PTPRQ: variants seen among roughly 807,000 people sequenced by gnomAD.
PTPRQ encodes protein tyrosine phosphatase receptor type Q.
Under a neutral mutation model 246.0 loss-of-function variants are expected in PTPRQ, and 199 were observed. The ratio of observed to expected loss-of-function variants is 0.81; its 90% CI spans 0.72 to 0.91. The LOEUF (loss-of-function observed/expected upper bound fraction) is 0.91, where lower values mean the gene tolerates loss of function less well. Among genes scored for constraint, PTPRQ ranks in the 40% least tolerant of loss-of-function variants. The pLI is 0.00. For synonymous variants in PTPRQ, 869 were observed against 853.2 expected, an observed-to-expected ratio of 1.02 and a Z score of -0.32; for missense variants, 2,624 against 2,528.4, an observed-to-expected ratio of 1.04 and a Z score of -0.81.
chr12:80,473,045 A>ACACGCG (rs1555185233), intron 8 of PTPRQ, among the ~76,000 whole-genome samples: 3 of 92,388 alleles, frequency 3.2e-5, no homozygotes, highest in African/African-American at 6.1e-5. Flanking sequence ...ACTCACACAC[A>ACACGCG]CGCACACACA....
intron 3 of PTPRQ, among the ~76,000 whole-genome samples, chr12:80,456,575 C>T (rs974538769): frequency 1.3e-5 from 2 of 152,126 alleles, no homozygotes; most frequent in African/African-American, 4.8e-5. Flanking sequence ...CAACCTAGTT[C>T]TGCTTAGATC....
At chr12:80,569,128 TC>T (rs377293376) in intron 25 of PTPRQ, among the ~76,000 whole-genome samples, 6 of 148,154 alleles carry the variant, frequency 4.0e-5, no homozygotes, top group African/African-American at 1.2e-4. Context: ...TGGATACAAT[TC>T]TTTTTTTTTT....
intron 17 of PTPRQ, among the ~76,000 whole-genome samples, chr12:80,526,380 A>G (rs1486936885): frequency 6.6e-6 from 1 of 152,176 alleles, no homozygotes; most frequent in East Asian, 1.9e-4. Flanking sequence ...TCCAAAGACT[A>G]TTAGTGTGGT....
At chr12:80,541,875 G>A (rs1896164916) in intron 21 of PTPRQ, 30 bp downstream of exon 21, 1 of 1,494,212 alleles carries the variant, frequency 6.7e-7, no homozygotes, top group South Asian at 1.4e-5. Context: ...TGTCTGTTAA[G>A]CAGATTGTTG....
chr12:80,543,996 G>A (rs928073834), intron 23 of PTPRQ, among the ~76,000 whole-genome samples: 1 of 151,982 alleles, frequency 6.6e-6, no homozygotes, highest in Non-Finnish European at 1.5e-5. Flanking sequence ...CAGAGTAATC[G>A]CATTCCTAGG....
In PTPRQ at chr12:80,532,301, C is replaced by G. The variant is rs148804965; in HGVS notation, c.2679-1714C>G. On this transcript the variant is annotated intron_variant, in intron 17 of 44. Coordinates refer to ENST00000644991, the MANE Select transcript of PTPRQ (RefSeq NM_001145026.2). Reference sequence around the variant, plus strand: ...TGCAGTTGCCGATATTGGCTCACTTCAGCCTCCGCCTCCTGAGCTCAAGCA... The same window carrying G: ...TGCAGTTGCCGATATTGGCTCACTTGAGCCTCCGCCTCCTGAGCTCAAGCA... Among the ~76,000 whole-genome samples the G allele has an allele frequency of 1.6e-4, 25 of 152,084 alleles. No homozygotes were observed. In the East Asian group the frequency reaches 4.8e-3, roughly 29 times the overall value.
intron 24 of PTPRQ, among the ~76,000 whole-genome samples, chr12:80,547,723 A>G (rs1896349455): frequency 6.6e-6 from 1 of 152,194 alleles, no homozygotes; most frequent in South Asian, 2.1e-4. Context: ...AAAGAAGCAC[A>G]TATTAGCAGT....
Position 80,505,899 on chromosome 12 carries a change from T to G in PTPRQ, c.2273-125T>G. 2.7e-6 allele frequency: 3 copies of G among 1,104,100 alleles called. No individual in the cohort carries two copies. The South Asian group carries it at 6.7e-5, about 25-fold the overall frequency. 68.4% of individuals were successfully genotyped at this position (1,104,100 alleles called of 1,614,324 possible). On this transcript the variant is annotated intron_variant, in intron 14 of 44. Transcript: ENST00000644991. ...TTATACTTTACTTCATTCAGGATAT[T>G]TATTACGATTACATTCTAGTGAAGG...
At chr12:80,665,814 T>G (rs966651658) in intron 39 of PTPRQ, among the ~76,000 whole-genome samples, 1 of 151,890 alleles carries the variant, frequency 6.6e-6, no homozygotes, top group Non-Finnish European at 1.5e-5. Context: ...AAAGAAGACA[T>G]ACAAATGGCC....
chr12:80,526,744 A>G (rs1418772388), intron 17 of PTPRQ, among the ~76,000 whole-genome samples: 2 of 152,144 alleles, frequency 1.3e-5, no homozygotes, highest in Non-Finnish European at 2.9e-5. Context: ...GCTAACGTTG[A>G]TACTATTTGG....
rs762133053 is a variant in PTPRQ at position 80,661,776 on chromosome 12, CA to C, written c.6192+3716del. Among the ~76,000 whole-genome samples, 228 of 151,670 alleles carry C rather than the reference CA, an allele frequency of 1.5e-3. 1 individual carries two copies. Among genetic ancestry groups the C allele is most frequent in the Non-Finnish European group, 2.8e-3 (191 of 67,788 alleles). On this transcript the variant is annotated intron_variant, in intron 39 of 44. Transcript: ENST00000644991. ...CCTGTATAATATGGATAAACTTTAA[CA>C]TAAAAAAATCTGCAATTTTTGGAAA...
intron 3 of PTPRQ, among the ~76,000 whole-genome samples, chr12:80,448,698 A>G (rs1266526361): frequency 6.7e-6 from 1 of 149,864 alleles, no homozygotes; most frequent in African/African-American, 2.5e-5. Flanking sequence ...TACAAAGGGC[A>G]TGAACTCATC....
At chr12:80,546,472 A>C (rs1896308278) in intron 23 of PTPRQ, 84 bp from the exon 24 acceptor site, 6 of 1,291,362 alleles carry the variant, frequency 4.6e-6, no homozygotes, top group Non-Finnish European at 6.4e-6. Context: ...TTAAATATAA[A>C]AGGAATAACT....
intron 9 of PTPRQ, among the ~76,000 whole-genome samples, chr12:80,486,826 T>G (rs1028490257): frequency 1.3e-5 from 2 of 152,160 alleles, no homozygotes; most frequent in African/African-American, 2.4e-5. Flanking sequence ...ATTAAATATT[T>G]TTAACCACCC....
At chr12:80,623,814 G>T (rs1273953550) in intron 33 of PTPRQ, among the ~76,000 whole-genome samples, 2 of 152,078 alleles carry the variant, frequency 1.3e-5, no homozygotes, top group Non-Finnish European at 2.9e-5. Flanking sequence ...AGACATTCAG[G>T]GTAATGGAAA....
chr12:80,649,990 T>C (rs968320351), intron 37 of PTPRQ, among the ~76,000 whole-genome samples: 1 of 152,164 alleles, frequency 6.6e-6, no homozygotes, highest in Non-Finnish European at 1.5e-5. Context: ...TTAGTTTGTT[T>C]TGTATTCAAG....
intron 3 of PTPRQ, chr12:80,454,462 T>C (rs1892901968): frequency 1.5e-6 from 1 of 681,202 alleles, no homozygotes; most frequent in Non-Finnish European, 2.7e-6. Flanking sequence ...CTTTTATTTC[T>C]TTCTCTTGCT....
intron 9 of PTPRQ, among the ~76,000 whole-genome samples, chr12:80,488,953 T>C (rs1894364920): frequency 6.6e-6 from 1 of 152,088 alleles, no homozygotes; most frequent in Non-Finnish European, 1.5e-5. Context: ...GTATCTGATC[T>C]ATAACATTCC....
intron 35 of PTPRQ, 137 bp from the exon 36 acceptor site, chr12:80,648,760 A>G: frequency 1.7e-6 from 1 of 592,500 alleles, no homozygotes; most frequent in East Asian, 3.6e-5. Flanking sequence ...ATTTAAAATA[A>G]TGATCATATA....
Sources: allele counts gnomAD v4.1 joint callset (sites outside exome capture counted in the v4.1 genomes callset), GRCh38; gene constraint gnomAD v4.1.1; transcripts MANE v1.5; gene names NCBI Gene and HGNC (gene_info 2026-07-23, HGNC 2026-07-21).